The following ARHGAP31 variants were observed in gnomAD, a reference collection of about 807,000 sequenced individuals.
The protein encoded by ARHGAP31 is rho GTPase-activating protein 31.
A neutral mutation model predicts 113.9 loss-of-function variants in ARHGAP31; 34 were observed. The observed-to-expected ratio is 0.30, with a 90% CI of 0.23 to 0.40. The LOEUF is 0.40. ARHGAP31 is among the 10% of genes least tolerant of loss of function. The pLI, the probability that ARHGAP31 is intolerant of heterozygous loss-of-function variation, is 1.00. For missense variants in ARHGAP31, 1,548 were observed against 1,767.1 expected (o/e 0.88, Z 2.22); for synonymous variants, 650 against 684.8 (o/e 0.95, Z 0.79).
At chr3:119,334,513 T>A (rs956906265) in intron 1 of ARHGAP31, among the ~76,000 whole-genome samples, 8 of 152,212 alleles carry the variant, frequency 5.3e-5, no homozygotes, top group Non-Finnish European at 1.2e-4. Context: ...CCCCTCGAAG[T>A]CATGCCTTCT....
chr3:119,321,891 G>C (rs1281289443), intron 1 of ARHGAP31, among the ~76,000 whole-genome samples: 1 of 152,220 alleles, frequency 6.6e-6, no homozygotes, highest in African/African-American at 2.4e-5. Flanking sequence ...GACCTCGGGT[G>C]ATCTGCCCGC....
In ARHGAP31 at chr3:119,318,292, G is replaced by T. The variant is rs80033219; in HGVS notation, c.100+23288G>T. Among the ~76,000 whole-genome samples, 5 of 152,106 alleles carry T rather than the reference G, an allele frequency of 3.3e-5. 1 individual carries two copies. Among genetic ancestry groups the T allele is most frequent in the African/African-American group, 1.2e-4 (5 of 41,418 alleles). On this transcript the variant is annotated intron_variant, in intron 1 of 11. Coordinates refer to ENST00000264245, the MANE Select transcript of ARHGAP31 (RefSeq NM_020754.4). Reference sequence around the variant, plus strand: ...CTCAATAATACCCAGCAGTTTCTACGAAGTTTTCAAATGCTAGGTCTAATG... The same window carrying T: ...CTCAATAATACCCAGCAGTTTCTACTAAGTTTTCAAATGCTAGGTCTAATG...
intron 1 of ARHGAP31, among the ~76,000 whole-genome samples, chr3:119,344,604 G>A (rs2080037952): frequency 6.6e-6 from 1 of 152,150 alleles, no homozygotes; most frequent in Non-Finnish European, 1.5e-5. Context: ...ACTGTTCCAA[G>A]CACTTCATAG....
chr3:119,347,641 C>T (rs768904396), intron 1 of ARHGAP31, among the ~76,000 whole-genome samples: 24 of 152,180 alleles, frequency 1.6e-4, no homozygotes, highest in Non-Finnish European at 4.4e-5. Flanking sequence ...CTCTTCCTGG[C>T]TGTTGCTCCC....
chr3:119,409,370 G>T, intron 10 of ARHGAP31, 126 bp from the exon 11 acceptor site: 1 of 1,088,430 alleles, frequency 9.2e-7, no homozygotes, highest in Admixed American at 2.0e-5. Context: ...TGCAAGGGGC[G>T]GTGAGCTGAG....
At chr3:119,353,950 G>A (rs1408553298) in intron 1 of ARHGAP31, among the ~76,000 whole-genome samples, 2 of 152,142 alleles carry the variant, frequency 1.3e-5, no homozygotes, top group East Asian at 1.9e-4. Context: ...AAGGAGAATC[G>A]CTGTCATTGG....
chr3:119,412,967 G>A (rs2080729286), intron 11 of ARHGAP31, among the ~76,000 whole-genome samples: 1 of 151,406 alleles, frequency 6.6e-6, no homozygotes, highest in African/African-American at 2.4e-5. Context: ...GCAGTGAGCT[G>A]AGATCACGCC....
chr3:119,311,869 G>A (rs6798453), intron 1 of ARHGAP31, among the ~76,000 whole-genome samples: 1 of 152,192 alleles, frequency 6.6e-6, no homozygotes, highest in Non-Finnish European at 1.5e-5. Context: ...TCAGAGGAGT[G>A]GGATCTTAAA....
intron 1 of ARHGAP31, among the ~76,000 whole-genome samples, chr3:119,339,971 A>G (rs1427711623): frequency 6.6e-6 from 1 of 152,254 alleles, no homozygotes; most frequent in Non-Finnish European, 1.5e-5. Flanking sequence ...GACCTTGTTA[A>G]GAAGTGAAAC....
intron 1 of ARHGAP31, among the ~76,000 whole-genome samples, chr3:119,300,867 AAAG>A (rs1247363533): frequency 1.3e-5 from 2 of 151,482 alleles, no homozygotes; most frequent in Admixed American, 1.3e-4. Context: ...AGAAAGAAAG[AAAG>A]AAAGACACAG....
intron 1 of ARHGAP31, among the ~76,000 whole-genome samples, chr3:119,321,310 ATT>A (rs2079783598): frequency 7.9e-6 from 1 of 126,868 alleles, no homozygotes; most frequent in African/African-American, 2.6e-5. Flanking sequence ...ATATATATGT[ATT>A]ATGTATATAT....
chr3:119,300,524 C>T (rs188135649), intron 1 of ARHGAP31, among the ~76,000 whole-genome samples: 1 of 152,190 alleles, frequency 6.6e-6, no homozygotes, highest in African/African-American at 2.4e-5. Context: ...AAAGGGCCCT[C>T]AAAAGGCCTA....
intron 1 of ARHGAP31, among the ~76,000 whole-genome samples, chr3:119,316,082 G>A (rs1389714194): frequency 6.6e-6 from 1 of 152,194 alleles, no homozygotes. Context: ...CAAGCTCTAT[G>A]TACACAGCAG....
chr3:119,395,273 G>C (rs2080540564), intron 8 of ARHGAP31, among the ~76,000 whole-genome samples: 1 of 152,216 alleles, frequency 6.6e-6, no homozygotes, highest in Non-Finnish European at 1.5e-5. Flanking sequence ...GGGTGTCACA[G>C]TACAGCAGTT....
chr3:119,360,436 T>A (rs891036077), intron 1 of ARHGAP31, among the ~76,000 whole-genome samples: 1 of 152,180 alleles, frequency 6.6e-6, no homozygotes, highest in Admixed American at 6.5e-5. Flanking sequence ...ACCACGTAAA[T>A]GACCAAATAC....
At chr3:119,349,601 A>G (rs1222950404) in intron 1 of ARHGAP31, among the ~76,000 whole-genome samples, 1 of 152,138 alleles carries the variant, frequency 6.6e-6, no homozygotes, top group Non-Finnish European at 1.5e-5. Context: ...AAACAATTAG[A>G]TCTGTGTTTT....
chr3:119,337,070 T>C (rs2079958474), intron 1 of ARHGAP31, among the ~76,000 whole-genome samples: 1 of 152,242 alleles, frequency 6.6e-6, no homozygotes, highest in African/African-American at 2.4e-5. Flanking sequence ...ACATTTGAAT[T>C]GTTTCCACTT....
rs1337247918 is a variant in ARHGAP31, at chr3:119,409,763, T to C, written c.1913T>C (p.Leu638Pro). The C allele has an allele frequency of 8.1e-6, 13 of 1,603,604 alleles. No homozygotes were observed. Among genetic ancestry groups the C allele is most frequent in the Non-Finnish European group, 1.1e-5 (13 of 1,175,746 alleles). ...CCCAGGGCCAGAGCCGAAGCTGTGCTTCTCCATGAGATGGTAAAGTGCATT... is the reference window on the plus strand; with the variant it reads ...CCCAGGGCCAGAGCCGAAGCTGTGCCTCTCCATGAGATGGTAAAGTGCATT... ...ESPRARAEAV[L>P]LHEMDEDDLA... is the part of the protein sequence containing the mutation. Residue 638 changes from leucine (L) to proline (P), a missense_variant, in exon 11 of 12, where the codon CTT (leucine) becomes CCT (proline). Coordinates refer to ENST00000264245, the MANE Select transcript of ARHGAP31 (RefSeq NM_020754.4).
Position 119,416,715 on chromosome 3 carries a change from T to G in ARHGAP31, c.*451T>G. ...TAGAAGGCCTCCTCTTTATGCTTTTTAATGCTCTTTCAAACGTGTTCTTTT... is the reference window on the plus strand; with the variant it reads ...TAGAAGGCCTCCTCTTTATGCTTTTGAATGCTCTTTCAAACGTGTTCTTTT... On this transcript the variant is annotated 3_prime_UTR_variant, in exon 12 of 12. Transcript: ENST00000264245. 4.2e-6 allele frequency: 1 copy of G among 237,144 alleles called. No individual in the cohort carries two copies. Among genetic ancestry groups the G allele is most frequent in the South Asian group, 5.8e-5 (1 of 17,098 alleles). The allele number at this position is 237,144 out of a possible 1,614,324, so 14.7% of individuals were successfully genotyped here. A position where few individuals can be genotyped will look rare whatever the true frequency, so the allele number is the denominator to read the frequency against.
Sources: gnomAD v4.1 joint callset for allele counts (sites outside exome capture counted in the v4.1 genomes callset) on GRCh38, gnomAD v4.1.1 for gene constraint, MANE v1.5 for transcripts, NCBI Gene and HGNC (gene_info 2026-07-23, HGNC 2026-07-21) for gene names.